The following DPP6 variants were observed in gnomAD, a reference collection of about 807,000 sequenced individuals.
The protein encoded by DPP6 is dipeptidyl peptidase like 6.
Under a neutral mutation model 122.6 loss-of-function variants are expected in DPP6, and 69 were observed. The ratio of observed to expected loss-of-function variants is 0.56; its 90% CI spans 0.46 to 0.69. The LOEUF is 0.69. Ranked by LOEUF, DPP6 falls within the 30% of genes least tolerant of loss-of-function variation. The pLI is 0.00. For missense variants in DPP6, 928 were observed against 1,116.9 expected (o/e 0.83, Z 2.41); for synonymous variants, 418 against 433.1 (o/e 0.97, Z 0.43).
In DPP6 at chr7:153,952,139, T is replaced by G. The variant is rs79924014; in HGVS notation, c.51+64405T>G. On this transcript the variant is annotated intron_variant, in intron 1 of 25. Coordinates refer to the DPP6 transcript ENST00000404039. ...GGAAGTTTGTCCTCGTGGGTTGTGG[T>G]AGAATGTAGACCTCTTAAATACAAG... Among the ~76,000 whole-genome samples, 647 of 152,360 alleles carry G rather than the reference T, an allele frequency of 4.2e-3. 4 individuals carry two copies. The highest frequency in any genetic ancestry group is 0.015 in the African/African-American group (614 of 41,590).
chr7:154,882,723 A>T (rs747139947), intron 21 of DPP6, among the ~76,000 whole-genome samples: 2 of 151,676 alleles, frequency 1.3e-5, no homozygotes, highest in Non-Finnish European at 2.9e-5. Context: ...AAACCAGAGC[A>T]GGCCGCGTGG....
intron 1 of DPP6, among the ~76,000 whole-genome samples, chr7:154,297,070 T>G (rs1361045953): frequency 7.2e-6 from 1 of 138,874 alleles, no homozygotes; most frequent in East Asian, 2.0e-4. Context: ...TCTGTTTTTT[T>G]TTTTTTGTTT....
At chr7:154,510,544 A>G (rs1203991736) in intron 3 of DPP6, among the ~76,000 whole-genome samples, 1 of 151,964 alleles carries the variant, frequency 6.6e-6, no homozygotes, top group African/African-American at 2.4e-5. Context: ...TTAAAAATAC[A>G]AAAAATTAGC....
At chr7:154,222,636 C>T (rs1161807112) in intron 1 of DPP6, among the ~76,000 whole-genome samples, 1 of 149,218 alleles carries the variant, frequency 6.7e-6, no homozygotes, top group Non-Finnish European at 1.5e-5. Flanking sequence ...GCCTGGGCAA[C>T]AAGAGTGAAA....
upstream of DPP6, among the ~76,000 whole-genome samples, chr7:153,885,011 T>C (rs1195373880): frequency 2.1e-4 from 31 of 146,270 alleles, 1 homozygote; most frequent in African/African-American, 6.5e-4. Flanking sequence ...TATATATATA[T>C]ATATATATAT....
intron 1 of DPP6, among the ~76,000 whole-genome samples, chr7:154,039,063 C>A (rs1254476171): frequency 3.1e-5 from 1 of 32,498 alleles, no homozygotes; most frequent in Non-Finnish European, 5.6e-5. Context: ...GGGTTTGAAC[C>A]CAAACTCTCT....
chr7:154,287,311 C>A lies in DPP6; in HGVS notation c.244-158903C>A, dbSNP rs139603846. Among the ~76,000 whole-genome samples the A allele has an allele frequency of 8.1e-4, 124 of 152,302 alleles. 1 individual carries two copies. The highest frequency in any genetic ancestry group is 2.6e-3 in the African/African-American group (107 of 41,564). On this transcript the variant is annotated intron_variant, in intron 1 of 25. Transcript: ENST00000377770. Reference sequence around the variant, plus strand: ...AAGGAGAACAAAAAAGCAAACTTTGCTGACACTCAAATGTTTTCTGTTTCT... The same window carrying A: ...AAGGAGAACAAAAAAGCAAACTTTGATGACACTCAAATGTTTTCTGTTTCT...
chr7:153,821,173 A>G, the DPP6 span, among the ~76,000 whole-genome samples: 4 of 152,210 alleles, frequency 2.6e-5, no homozygotes, highest in African/African-American at 9.6e-5. Flanking sequence ...GGTAAAATAC[A>G]AGCTGAAAAT....
At chr7:154,449,894 G>C (rs910684942) in intron 2 of DPP6, among the ~76,000 whole-genome samples, 2 of 151,988 alleles carry the variant, frequency 1.3e-5, no homozygotes, top group African/African-American at 4.8e-5. Context: ...TGTAGTCCCA[G>C]CTACTTGGGA....
chr7:154,314,439 G>C (rs1807250743), intron 1 of DPP6, among the ~76,000 whole-genome samples: 1 of 152,172 alleles, frequency 6.6e-6, no homozygotes, highest in Admixed American at 6.5e-5. Context: ...ATCATAGAAT[G>C]TTTGACTTTT....
Position 154,481,545 on chromosome 7 carries a change from C to T in DPP6, c.457+6508C>T, listed in dbSNP as rs1024104600. On this transcript the variant is annotated intron_variant, in intron 3 of 25. Transcript: ENST00000377770. This position sits in a 1 kb window ranked among gnomAD's most constrained non-coding sequence, Gnocchi z 4.2. ...CCTGGCCCCCCGACCCTCCATGTCT[C>T]AGACTCTACATGATCTGTTTACTCT... is the stretch of plus-strand genomic sequence containing the variant. Among the ~76,000 whole-genome samples, 1 of 151,414 alleles carries T rather than the reference C, an allele frequency of 6.6e-6. No individual in the cohort carries two copies. Among genetic ancestry groups the T allele is most frequent in the Non-Finnish European group, 1.5e-5 (1 of 67,864 alleles).
At chr7:154,551,662 T>C (rs1829647051) in intron 4 of DPP6, among the ~76,000 whole-genome samples, 1 of 152,142 alleles carries the variant, frequency 6.6e-6, no homozygotes, top group South Asian at 2.1e-4. Flanking sequence ...GTAATTTCAT[T>C]CTCATGCTGT....
chr7:154,013,077 A>G (rs1327600612), intron 1 of DPP6, among the ~76,000 whole-genome samples: 1 of 152,188 alleles, frequency 6.6e-6, no homozygotes, highest in African/African-American at 2.4e-5. Context: ...CTGCTCTCTG[A>G]TAGTCTCTGC....
At chr7:153,906,355 C>T (rs1374293042) in intron 1 of DPP6, among the ~76,000 whole-genome samples, 7 of 152,190 alleles carry the variant, frequency 4.6e-5, no homozygotes, top group African/African-American at 7.2e-5. Flanking sequence ...TCCTCCCACC[C>T]TCCAATCTTT....
intron 7 of DPP6, among the ~76,000 whole-genome samples, chr7:154,703,515 A>G (rs78610806): frequency 0.011 from 1,606 of 151,522 alleles, 40 homozygotes; most frequent in African/African-American, 0.037. Flanking sequence ...GCTACTAGGG[A>G]GGCTGAGGCA....
rs567844361 is a variant in DPP6, at chr7:154,062,960, G to A, written c.243+9897G>A. On this transcript the variant is annotated intron_variant, in intron 1 of 25. Transcript: ENST00000377770. Reference sequence around the variant, plus strand: ...TCCAGGTAGAAATTTCAAATCTTCCGACGGCAGGTACCTTACGTGGAATTA... The same window carrying A: ...TCCAGGTAGAAATTTCAAATCTTCCAACGGCAGGTACCTTACGTGGAATTA... Among the ~76,000 whole-genome samples, 341 of 134,568 alleles carry A rather than the reference G, an allele frequency of 2.5e-3. 49 individuals are homozygous for A. Among genetic ancestry groups the A allele is most frequent in the African/African-American group, 8.6e-3 (321 of 37,208 alleles). 88.3% of individuals were successfully genotyped at this position (134,568 alleles called of 152,430 possible).
intron 1 of DPP6, among the ~76,000 whole-genome samples, chr7:153,955,476 T>C (rs1023578033): frequency 3.3e-5 from 5 of 152,210 alleles, no homozygotes; most frequent in Non-Finnish European, 7.3e-5. Flanking sequence ...TCTTGCTCTG[T>C]CACCCAGGCT....
intron 7 of DPP6, among the ~76,000 whole-genome samples, chr7:154,717,087 T>C (rs1409169299): frequency 6.6e-6 from 1 of 152,166 alleles, no homozygotes; most frequent in Non-Finnish European, 1.5e-5. Flanking sequence ...CACCTCAGCC[T>C]CCCAAAGTGC....
intron 7 of DPP6, among the ~76,000 whole-genome samples, chr7:154,720,440 TG>T: frequency 6.6e-6 from 1 of 152,366 alleles, no homozygotes; most frequent in Admixed American, 6.5e-5. Context: ...TCAGTATGTT[TG>T]GGAGACCTGA....
Sources: allele counts gnomAD v4.1 joint callset (sites outside exome capture counted in the v4.1 genomes callset), GRCh38; gene constraint gnomAD v4.1.1; non-coding constraint Gnocchi (gnomAD v3.1); transcripts MANE v1.5; gene names NCBI Gene and HGNC (gene_info 2026-07-23, HGNC 2026-07-21).